The following TARS2 variants were observed in gnomAD, a reference collection of about 807,000 sequenced individuals.
TARS2 encodes the protein threonyl-tRNA synthetase 2, mitochondrial, also known as threonine--tRNA ligase, mitochondrial.
A neutral mutation model predicts 94.4 loss-of-function variants in TARS2; 61 were observed. That is an observed-to-expected ratio of 0.65 (90% CI 0.53 to 0.80). TARS2 has a LOEUF of 0.80. Ranked by LOEUF, TARS2 falls within the 30% of genes least tolerant of loss-of-function variation. The probability of loss-of-function intolerance (pLI) is 0.00; values close to 1 mark genes in which losing one functional copy is unlikely to be tolerated. For missense variants in TARS2, 704 were observed against 902.5 expected (o/e 0.78, Z 2.82); for synonymous variants, 359 against 353.4 (o/e 1.02, Z -0.18).
rs1025009330 is a variant in TARS2, at chr1:150,498,419, G to C, written c.1239-83G>C. The C allele has an allele frequency of 1.1e-5, 16 of 1,483,142 alleles. No individual in the cohort carries two copies. The Admixed American group carries it at 1.7e-4, about 16-fold the overall frequency. 91.9% of individuals were successfully genotyped at this position (1,483,142 alleles called of 1,614,324 possible). The stretch of plus-strand genomic sequence containing the variant: ...GGTTATAGCAGATGGTGCAGAGAAA[G>C]TAGGCAAGCAGATTGGGTGGAGGAG... On this transcript the variant is annotated intron_variant, in intron 10 of 17. Transcript: ENST00000369064.
At chr1:150,499,736 G>T (rs1283883127) in intron 13 of TARS2, among the ~76,000 whole-genome samples, 1 of 152,138 alleles carries the variant, frequency 6.6e-6, no homozygotes, top group African/African-American at 2.4e-5. Flanking sequence ...CTTGGCATCT[G>T]CAATCTAGTG....
chr1:150,504,680 C>T lies in TARS2; in HGVS notation c.1767C>T (p.Leu589=), dbSNP rs774057279. The T allele has an allele frequency of 5.6e-6, 9 of 1,613,998 alleles. No homozygotes were observed. Among genetic ancestry groups the T allele is most frequent in the Admixed American group, 3.3e-5 (2 of 60,008 alleles). Residue 589 remains leucine, a synonymous_variant, in exon 15 of 18, where the codon CTC becomes CTT. Transcript: ENST00000369064. ...ERPVLIHRAV[L]GSVERLLGVL... ...CAGTCCTCATTCACCGAGCAGTGCT[C>T]GGTTCTGTGGAAAGACTGTTGGGAG... is the stretch of plus-strand genomic sequence containing the variant.
At chr1:150,503,607 G>A (rs1162689887) in intron 13 of TARS2, among the ~76,000 whole-genome samples, 2 of 136,672 alleles carry the variant, frequency 1.5e-5, no homozygotes, top group Non-Finnish European at 3.1e-5. Flanking sequence ...GTGTGTATGT[G>A]TGTATATATA....
At chr1:150,491,314 A>C in intron 4 of TARS2, 80 bp from the exon 5 acceptor site, 1 of 1,399,688 alleles carries the variant, frequency 7.1e-7, no homozygotes, top group South Asian at 1.2e-5. Context: ...ACAGGACCTT[A>C]CCCGCTAGCC....
chr1:150,496,445 C>T, intron 7 of TARS2, 37 bp from the exon 8 acceptor site: 1 of 1,569,330 alleles, frequency 6.4e-7, no homozygotes, highest in African/African-American at 1.4e-5. Flanking sequence ...GGCCTTCAGT[C>T]CTCATCTTTC....
At chr1:150,505,471 A>G in intron 16 of TARS2, 120 bp from the exon 17 acceptor site, 1 of 886,608 alleles carries the variant, frequency 1.1e-6, no homozygotes, top group Non-Finnish European at 1.9e-6. Context: ...TAAGAAGTGG[A>G]GAGCCCCGAG....
chr1:150,487,659 C>G, intron 1 of TARS2, 143 bp downstream of exon 1: 1 of 1,303,140 alleles, frequency 7.7e-7, no homozygotes, highest in African/African-American at 1.5e-5. Context: ...TATCTAAACT[C>G]GTTATCTAAT....
At chr1:150,491,338 C>G in intron 4 of TARS2, 56 bp from the exon 5 acceptor site, 1 of 1,567,976 alleles carries the variant, frequency 6.4e-7, no homozygotes, top group Non-Finnish European at 8.8e-7. Context: ...AGGTGTGTCA[C>G]CCAGGTGATT....
intron 13 of TARS2, 42 bp downstream of exon 13, chr1:150,499,335 T>C (rs1223882451): frequency 1.3e-6 from 2 of 1,586,686 alleles, no homozygotes; most frequent in Admixed American, 1.8e-5. Context: ...TATTTATTTT[T>C]TGCTTTGTTT....
intron 3 of TARS2, 47 bp downstream of exon 3, chr1:150,489,134 A>T (rs771775777): frequency 5.6e-6 from 9 of 1,612,996 alleles, no homozygotes; most frequent in Non-Finnish European, 7.6e-6. Context: ...AAACCAAGAG[A>T]TATTGAAGCA....
intron 7 of TARS2, 65 bp downstream of exon 7, chr1:150,492,554 G>A (rs767971079): frequency 6.4e-7 from 1 of 1,552,982 alleles, no homozygotes; most frequent in Non-Finnish European, 8.8e-7. Flanking sequence ...GCTCACGCTT[G>A]TAATCCCAGC....
rs1319719664 is a variant in TARS2 at position 150,491,716 on chromosome 1, G to A, written c.695+54G>A. The A allele has an allele frequency of 1.7e-5, 27 of 1,553,262 alleles. No individual in the cohort carries two copies. In the East Asian group the frequency reaches 5.6e-4, roughly 32 times the overall value. On this transcript the variant is annotated intron_variant, in intron 6 of 17. Coordinates refer to ENST00000369064, the MANE Select transcript of TARS2 (RefSeq NM_025150.5). Reference sequence around the variant, plus strand: ...GAGAGGTGGGGAAGCATTGAAGAAGGCCAGAAATGCGATAAGGGAAGAAAG... The same window carrying A: ...GAGAGGTGGGGAAGCATTGAAGAAGACCAGAAATGCGATAAGGGAAGAAAG...
At position 150,498,601 on chromosome 1, in the gene TARS2, G is replaced by A. The variant is rs778294893; in HGVS notation, c.1338G>A (p.Gly446=). Residue 446 remains glycine (G), a synonymous_variant, in exon 11 of 18, where the codon GGG becomes GGA. Coordinates refer to ENST00000369064, the MANE Select transcript of TARS2 (RefSeq NM_025150.5). ...GGGCCGAAGCCTCTGGTGGTCTGGG[G>A]GGACTGACCCGACTGCGGTGCTTCC... ...LHRAEASGGL[G]GLTRLRCFQQ... 5.0e-6 allele frequency: 8 copies of A among 1,612,376 alleles called. No individual in the cohort carries two copies. Among genetic ancestry groups the A allele is most frequent in the South Asian group, 1.1e-5 (1 of 90,902 alleles).
Position 150,487,535 on chromosome 1 carries a change from A to G in TARS2, c.66+19A>G, listed in dbSNP as rs776331144. ...ACACACGGTGCGTGAGGCACCCCCA[A>G]AGCTCCGATCCGCATCAGACTTAGC... On this transcript the variant is annotated intron_variant, in intron 1 of 17. Transcript: ENST00000369064. 5.6e-6 allele frequency: 9 copies of G among 1,614,052 alleles called. 1 individual carries two copies. Among genetic ancestry groups the G allele is most frequent in the African/African-American group, 4.0e-5 (3 of 74,920 alleles).
intron 6 of TARS2, 26 bp downstream of exon 6, chr1:150,491,688 A>G (rs1185925681): frequency 5.0e-6 from 8 of 1,612,218 alleles, no homozygotes; most frequent in Non-Finnish European, 6.8e-6. Flanking sequence ...ATTAAGGCAA[A>G]CAGAGAGGTG....
At chr1:150,489,705 C>A (rs587679025) in intron 3 of TARS2, among the ~76,000 whole-genome samples, 2 of 152,238 alleles carry the variant, frequency 1.3e-5, no homozygotes, top group South Asian at 4.2e-4. Context: ...CTTTGGGAGG[C>A]CGAGGCAGGT....
At chr1:150,489,113 C>T (rs1419906721) in intron 3 of TARS2, 26 bp downstream of exon 3, 3 of 1,613,630 alleles carry the variant, frequency 1.9e-6, no homozygotes, top group African/African-American at 2.7e-5. Flanking sequence ...ATCAGGAATA[C>T]AGTGACTACT....
At position 150,496,547 on chromosome 1, in the gene TARS2, C is replaced by T. The variant is rs747287873; in HGVS notation, c.840C>T (p.Ser280=). Residue 280 remains serine (S), a synonymous_variant, in exon 8 of 18, where the codon TCC becomes TCT. Coordinates refer to ENST00000369064, the MANE Select transcript of TARS2 (RefSeq NM_025150.5). ...CACTGCAGAGAGTGTCAGGGATTTC[C>T]TTCCCCACAACAGAATTGCTGAGGG... ...PETLQRVSGI[S]FPTTELLRVW... is the part of the protein sequence containing the mutation. 10 of 1,614,016 alleles carry T rather than the reference C, an allele frequency of 6.2e-6. No homozygotes were observed. In the East Asian group the frequency reaches 2.2e-4, roughly 36 times the overall value.
At position 150,500,392 on chromosome 1, in the gene TARS2, C is replaced by T. The variant is rs1399057967; in HGVS notation, c.1617+1099C>T. 2.6e-5 allele frequency among the ~76,000 whole-genome samples: 4 copies of T among 151,408 alleles called. No homozygotes were observed. The East Asian group carries it at 7.7e-4, about 29-fold the overall frequency. ...ATCACTTGAGGTCAGGAGTTCGAGA[C>T]CAGCCTGGCCAACGTGGCGAAACCC... On this transcript the variant is annotated intron_variant, in intron 13 of 17. Transcript: ENST00000369064.
Sources: gnomAD v4.1 joint callset for allele counts (sites outside exome capture counted in the v4.1 genomes callset) on GRCh38, gnomAD v4.1.1 for gene constraint, MANE v1.5 for transcripts, NCBI Gene and HGNC (gene_info 2026-07-23, HGNC 2026-07-21) for gene names.